Variants in NAV2 observed in about 807,000 individuals in gnomAD.
NAV2 encodes the protein neuron navigator 2.
NAV2 carries 54 observed loss-of-function variants against 223.2 expected under a neutral mutation model. The ratio of observed to expected loss-of-function variants is 0.24; its 90% CI spans 0.19 to 0.30. The LOEUF is 0.30. Ranked by LOEUF, NAV2 falls within the 10% of genes least tolerant of loss-of-function variation. The pLI, the probability that NAV2 is intolerant of heterozygous loss-of-function variation, is 1.00. For missense variants in NAV2, 2,806 were observed against 3,147.5 expected, an observed-to-expected ratio of 0.89 and a Z score of 2.60; for synonymous variants, 1,279 against 1,239.3, an observed-to-expected ratio of 1.03 and a Z score of -0.67.
At chr11:20,075,781 AC>A (rs1167417673) in intron 22 of NAV2, among the ~76,000 whole-genome samples, 1 of 80,044 alleles carries the variant, frequency 1.2e-5, no homozygotes. Context: ...CTCCCCACCC[AC>A]CCCCCATGCT....
intron 11 of NAV2, among the ~76,000 whole-genome samples, chr11:19,987,468 G>A (rs565509483): frequency 2.9e-4 from 44 of 152,326 alleles, no homozygotes; most frequent in African/African-American, 9.6e-5. Context: ...ACGAAAGAAA[G>A]GCAGATCACT....
rs1451213940 is a variant in NAV2, at chr11:19,830,688, C to A, written c.268-1796C>A. On this transcript the variant is annotated intron_variant, in intron 1 of 37. Transcript: ENST00000349880. ...GTCATTAAACAAAACATACCCAAAT[C>A]CCTACTCTTGTGGAGCCTACAGAAC... Among the ~76,000 whole-genome samples, 4 of 152,208 alleles carry A rather than the reference C, an allele frequency of 2.6e-5. No homozygotes were observed. In the East Asian group the frequency reaches 5.8e-4, roughly 22 times the overall value.
intron 1 of NAV2, among the ~76,000 whole-genome samples, chr11:19,654,124 G>A (rs2048049543): frequency 6.6e-6 from 1 of 152,152 alleles, no homozygotes; most frequent in Non-Finnish European, 1.5e-5. Context: ...CAAATCATGA[G>A]TGAACTCCCA....
rs80342332 is a variant in NAV2 at position 19,615,777 on chromosome 11, T to A, written c.76-216707T>A. On this transcript the variant is annotated intron_variant, in intron 1 of 37. Coordinates refer to the NAV2 transcript ENST00000360655. ...GCCTCCATTTATTGAGAGCGTGTGA[T>A]GTGCTAGCACCCTGCTCCTGCTTCA... is the stretch of plus-strand genomic sequence containing the variant. Among the ~76,000 whole-genome samples the A allele has an allele frequency of 2.2e-3, 340 of 152,300 alleles. 9 individuals carry two copies. The East Asian group carries it at 0.059, about 26-fold the overall frequency.
chr11:19,753,536 C>G (rs1403566305), intron 1 of NAV2, among the ~76,000 whole-genome samples: 1 of 152,200 alleles, frequency 6.6e-6, no homozygotes, highest in African/African-American at 2.4e-5. Flanking sequence ...GCTCTCTTCT[C>G]TGGGTTGCAG....
rs552031014 is a variant in NAV2, at chr11:19,880,232, A to G, written c.770+105A>G. ...TGGCTTTTTCATTTGTGCTTCTTCA[A>G]TGCTGAGAGCTACTGGTGGTTAGTG... On this transcript the variant is annotated intron_variant, in intron 5 of 37. Transcript: ENST00000349880. 9 of 1,404,604 alleles carry G rather than the reference A, an allele frequency of 6.4e-6. No individual in the cohort carries two copies. The South Asian group carries it at 1.1e-4, about 17-fold the overall frequency. 87.0% of individuals were successfully genotyped at this position (1,404,604 alleles called of 1,614,324 possible).
At chr11:19,380,001 A>T (rs1848781414) in intron 1 of NAV2, among the ~76,000 whole-genome samples, 1 of 151,792 alleles carries the variant, frequency 6.6e-6, no homozygotes, top group South Asian at 2.1e-4. Flanking sequence ...TAATTAATAT[A>T]ATTTATTATA....
chr11:19,654,442 T>C (rs572914586), intron 1 of NAV2, among the ~76,000 whole-genome samples: 1 of 152,174 alleles, frequency 6.6e-6, no homozygotes, highest in Non-Finnish European at 1.5e-5. Flanking sequence ...AAGTCAATCA[T>C]AGGCCAAAAG....
chr11:19,935,872 T>TTTG (rs2045849223), intron 7 of NAV2, among the ~76,000 whole-genome samples: 1 of 135,648 alleles, frequency 7.4e-6, no homozygotes, highest in African/African-American at 2.7e-5. Context: ...TTTTTTTTTT[T>TTTG]TTTGAGATGG....
chr11:19,697,323 G>T (rs2049373416), intron 1 of NAV2, among the ~76,000 whole-genome samples: 1 of 152,008 alleles, frequency 6.6e-6, no homozygotes, highest in Non-Finnish European at 1.5e-5. Flanking sequence ...ACACCTGTTG[G>T]GTTCTATGCT....
chr11:19,716,570 A>G (rs1249779799), intron 1 of NAV2, among the ~76,000 whole-genome samples: 1 of 152,222 alleles, frequency 6.6e-6, no homozygotes. Flanking sequence ...GCCCCTGGAA[A>G]GGTATCAATC....
intron 19 of NAV2, 111 bp from the exon 20 acceptor site, chr11:20,062,196 A>T: frequency 3.0e-6 from 2 of 664,372 alleles, no homozygotes; most frequent in Non-Finnish European, 5.0e-6. Context: ...AGGTGAGATT[A>T]AGTCATTCCA....
At chr11:20,086,056 G>T (rs11025380) in intron 26 of NAV2, among the ~76,000 whole-genome samples, 22,915 of 152,236 alleles carry the variant, frequency 0.15, 2,011 homozygotes, top group Non-Finnish European at 0.21. Flanking sequence ...AAGAGAGAGG[G>T]ATGGACAGCG....
chr11:19,964,108 C>G (rs1276386259), intron 10 of NAV2, among the ~76,000 whole-genome samples: 9 of 152,150 alleles, frequency 5.9e-5, no homozygotes, highest in African/African-American at 2.2e-4. Context: ...TGACTTTTGC[C>G]TTACTCTTTG....
chr11:19,449,786 A>G (rs1851725385), intron 1 of NAV2, among the ~76,000 whole-genome samples: 1 of 152,134 alleles, frequency 6.6e-6, no homozygotes, highest in South Asian at 2.1e-4. Context: ...GAGCAAGTCA[A>G]TGGCTGTGCT....
chr11:19,369,429 C>T (rs1317175813), intron 1 of NAV2, among the ~76,000 whole-genome samples: 3 of 152,158 alleles, frequency 2.0e-5, no homozygotes, highest in Non-Finnish European at 4.4e-5. Context: ...ATTTGATAAA[C>T]AAAATAGGCA....
At chr11:19,603,347 G>A (rs1036800649) in intron 1 of NAV2, among the ~76,000 whole-genome samples, 1 of 152,088 alleles carries the variant, frequency 6.6e-6, no homozygotes, top group Non-Finnish European at 1.5e-5. Context: ...GCAAAAGAGG[G>A]CCAGGCACAG....
At chr11:19,787,266 GGATCTT>G (rs781043315) in intron 1 of NAV2, among the ~76,000 whole-genome samples, 19,916 of 82,852 alleles carry the variant, frequency 0.24, 3,129 homozygotes, top group East Asian at 0.58. Flanking sequence ...AATTTTTATT[GGATCTT>G]TTTTTTTTTT....
Position 19,360,971 on chromosome 11 carries a change from G to A in NAV2, c.75+9944G>A, listed in dbSNP as rs536342572. Among the ~76,000 whole-genome samples the A allele has an allele frequency of 2.6e-5, 4 of 152,228 alleles. No homozygotes were observed. The East Asian group carries it at 7.8e-4, about 30-fold the overall frequency. On this transcript the variant is annotated intron_variant, in intron 1 of 37. Coordinates refer to the NAV2 transcript ENST00000360655. ...AGTTCTTGACAATGGAAAACAGGAAGCATAATGATGAGGTGGAAAAAACTG... is the reference window on the plus strand; with the variant it reads ...AGTTCTTGACAATGGAAAACAGGAAACATAATGATGAGGTGGAAAAAACTG...
Sources: allele counts gnomAD v4.1 joint callset (sites outside exome capture counted in the v4.1 genomes callset), GRCh38; gene constraint gnomAD v4.1.1; transcripts MANE v1.5; gene names NCBI Gene and HGNC (gene_info 2026-07-23, HGNC 2026-07-21).